KATNIP: variants seen among roughly 807,000 people sequenced by gnomAD.
The protein encoded by KATNIP is katanin-interacting protein.
In KATNIP, 126 loss-of-function variants were observed where a neutral mutation model predicts 174.0. The ratio of observed to expected loss-of-function variants is 0.72; its 90% confidence interval spans 0.63 to 0.84. The LOEUF is 0.84. Among genes scored for constraint, KATNIP ranks in the 40% least tolerant of loss-of-function variants. The probability of loss-of-function intolerance (pLI) is 0.00; values close to 1 mark genes in which losing one functional copy is unlikely to be tolerated. For synonymous variants in KATNIP, 810 were observed against 835.7 expected (o/e 0.97, Z 0.53); for missense variants, 1,958 against 2,109.7 (o/e 0.93, Z 1.41).
chr16:27,731,947 G>A (rs139192175), intron 14 of KATNIP, among the ~76,000 whole-genome samples: 163 of 152,236 alleles, frequency 1.1e-3, no homozygotes, highest in African/African-American at 3.7e-3. Context: ...TAGAGCGACC[G>A]TTGTCACTGG....
chr16:27,766,229 C>T, intron 19 of KATNIP, 80 bp from the exon 20 acceptor site: 2 of 1,497,712 alleles, frequency 1.3e-6, no homozygotes, highest in South Asian at 1.2e-5. Flanking sequence ...GTACTTGGGG[C>T]CGAGGGGGTG....
chr16:27,740,386 G>A lies in KATNIP; in HGVS notation c.2089G>A (p.Glu697Lys), dbSNP rs778711060. 1.9e-6 allele frequency: 3 copies of A among 1,614,048 alleles called. No homozygotes were observed. Among genetic ancestry groups the A allele is most frequent in the South Asian group, 1.1e-5 (1 of 91,086 alleles). ...GAAAGACAGTTTGTCCCAGTTAGAG[G>A]AATATTTGAGACTGTCGGCAGTCCC... is the stretch of plus-strand genomic sequence containing the variant. Reference protein sequence around the residue: ...CRKDSLSQLEEYLRLSAVPTS... With the variant: ...CRKDSLSQLEKYLRLSAVPTS... Residue 697 changes from glutamate to lysine, a missense_variant, in exon 15 of 28, where the codon GAA becomes AAA. This residue lies in a region of KATNIP where 1,557 missense variants were observed against 1,617.8 expected (regional missense o/e 0.96). Coordinates refer to ENST00000261588, the MANE Select transcript of KATNIP (RefSeq NM_015202.5).
intron 8 of KATNIP, among the ~76,000 whole-genome samples, chr16:27,691,344 G>A (rs776899257): frequency 2.6e-5 from 4 of 152,204 alleles, no homozygotes; most frequent in Non-Finnish European, 5.9e-5. Flanking sequence ...CAAAGTTATC[G>A]GAAGAGGGAT....
chr16:27,686,597 T>G (rs768709135), intron 8 of KATNIP, among the ~76,000 whole-genome samples: 2 of 152,240 alleles, frequency 1.3e-5, no homozygotes, highest in Non-Finnish European at 2.9e-5. Context: ...CTGATATATG[T>G]GAGTTTACAT....
chr16:27,572,623 C>T (rs2090350235), intron 1 of KATNIP, among the ~76,000 whole-genome samples: 1 of 152,064 alleles, frequency 6.6e-6, no homozygotes, highest in African/African-American at 2.4e-5. Flanking sequence ...GGTCAGAGGT[C>T]CATCCATAGC....
intron 2 of KATNIP, among the ~76,000 whole-genome samples, chr16:27,574,632 T>G (rs2090428738): frequency 7.2e-6 from 1 of 138,094 alleles, no homozygotes; most frequent in Non-Finnish European, 1.5e-5. Flanking sequence ...TGGCGTGATC[T>G]CAGCTCACTG....
rs762794323 is a variant in KATNIP at position 27,586,244 on chromosome 16, CATAAAT to C, written c.63+12292_63+12297del. On this transcript the variant is annotated intron_variant, in intron 2 of 27. Coordinates refer to ENST00000261588, the MANE Select transcript of KATNIP (RefSeq NM_015202.5). ...CTGTATAAAAACATCTCATGTAACT[CATAAAT>C]ATATACACCCATTATGTACCCACAA... Among the ~76,000 whole-genome samples, 24 of 152,058 alleles carry C rather than the reference CATAAAT, an allele frequency of 1.6e-4. 1 individual carries two copies. The highest frequency in any genetic ancestry group is 3.1e-4 in the Non-Finnish European group (21 of 68,006).
At chr16:27,732,865 G>A (rs899113155) in intron 14 of KATNIP, among the ~76,000 whole-genome samples, 3 of 152,182 alleles carry the variant, frequency 2.0e-5, no homozygotes, top group Admixed American at 6.5e-5. Flanking sequence ...AGCAACCCAC[G>A]CTTTTGCTCT....
intron 11 of KATNIP, among the ~76,000 whole-genome samples, chr16:27,703,036 G>A (rs769151646): frequency 5.9e-5 from 9 of 152,014 alleles, no homozygotes; most frequent in African/African-American, 9.7e-5. Context: ...GCATGGTGGC[G>A]AGCCCCTGTA....
At chr16:27,567,049 T>G (rs979389076) in intron 1 of KATNIP, among the ~76,000 whole-genome samples, 4 of 152,222 alleles carry the variant, frequency 2.6e-5, no homozygotes, top group Non-Finnish European at 5.9e-5. Context: ...CATCGTTTCA[T>G]TCTTATCTCT....
At chr16:27,583,784 G>A (rs1227321585) in intron 2 of KATNIP, among the ~76,000 whole-genome samples, 1 of 152,192 alleles carries the variant, frequency 6.6e-6, no homozygotes, top group Non-Finnish European at 1.5e-5. Context: ...AAGAGAATTT[G>A]TTGCCTCACC....
At chr16:27,765,737 C>G (rs796568316) in intron 19 of KATNIP, among the ~76,000 whole-genome samples, 10 of 152,334 alleles carry the variant, frequency 6.6e-5, no homozygotes, top group Admixed American at 3.9e-4. Context: ...CTTTTGCACA[C>G]TCTCTCCTGG....
Position 27,681,352 on chromosome 16 carries a change from A to G in KATNIP, c.809-47A>G, listed in dbSNP as rs374415991. ...AACAAATGCCTGAACAGAATGCCCA[A>G]CTTGCTTGCGCTCAGCGTCTTACAT... On this transcript the variant is annotated intron_variant, in intron 7 of 27. Coordinates refer to ENST00000261588, the MANE Select transcript of KATNIP (RefSeq NM_015202.5). 5 of 1,610,216 alleles carry G rather than the reference A, an allele frequency of 3.1e-6. No homozygotes were observed. In the African/African-American group the frequency reaches 5.3e-5, roughly 17 times the overall value.
Position 27,698,397 on chromosome 16 carries a change from AG to A in KATNIP, c.1012del (p.Glu338LysfsTer98), listed in dbSNP as rs1239038647. On this transcript the variant is annotated frameshift_variant, in exon 9 of 28. Coordinates refer to ENST00000261588, the MANE Select transcript of KATNIP (RefSeq NM_015202.5). LOFTEE classifies it high-confidence loss of function. ...ACTCTTTGCGAGGCTGAGTACCCAG[AG>A]GAAGATGCCTCTGCTGTGCTCCAAG... The part of the protein sequence containing the change: ...RKTLCEAEYP[E>X]EDASAVLQAI... The A allele has an allele frequency of 6.2e-7, 1 of 1,613,628 alleles. No homozygotes were observed. Among genetic ancestry groups the A allele is most frequent in the Non-Finnish European group, 8.5e-7 (1 of 1,179,862 alleles).
intron 1 of KATNIP, among the ~76,000 whole-genome samples, chr16:27,567,277 A>G (rs935465616): frequency 1.2e-4 from 19 of 152,218 alleles, no homozygotes; most frequent in Admixed American, 2.0e-4. Context: ...TGGACATTGC[A>G]TATTTTAAGT....
At position 27,740,586 on chromosome 16, in the gene KATNIP, C is replaced by T; in HGVS notation, c.2289C>T (p.Asp763=). 2 of 1,614,190 alleles carry T rather than the reference C, an allele frequency of 1.2e-6. No homozygotes were observed. Among genetic ancestry groups the T allele is most frequent in the Non-Finnish European group, 1.7e-6 (2 of 1,180,044 alleles). Residue 763 remains aspartate, a synonymous_variant, in exon 15 of 28, where the codon GAC becomes GAT. Coordinates refer to ENST00000261588, the MANE Select transcript of KATNIP (RefSeq NM_015202.5). ...SWLQPSPTGK[D]RKQGGRKPKP... The stretch of plus-strand genomic sequence containing the variant: ...TACAACCTTCTCCCACCGGCAAGGA[C>T]AGGAAGCAGGGAGGCAGGAAGCCAA...
intron 1 of KATNIP, among the ~76,000 whole-genome samples, chr16:27,555,555 C>T (rs2089585187): frequency 6.6e-6 from 1 of 152,196 alleles, no homozygotes; most frequent in Admixed American, 6.5e-5. Context: ...ATGTTCCTGG[C>T]TGGGCGCGGT....
At chr16:27,760,512 A>G (rs879658727) in intron 18 of KATNIP, among the ~76,000 whole-genome samples, 1 of 152,216 alleles carries the variant, frequency 6.6e-6, no homozygotes, top group Non-Finnish European at 1.5e-5. Context: ...GGATGGCGGT[A>G]TCACCCTAGG....
rs748545073 is a variant in KATNIP, at chr16:27,751,943, G to A, written c.3552+19G>A. 3.2e-6 allele frequency: 5 copies of A among 1,581,088 alleles called. No individual in the cohort carries two copies. The highest frequency in any genetic ancestry group is 4.3e-6 in the Non-Finnish European group (5 of 1,166,288). On this transcript the variant is annotated intron_variant, in intron 17 of 27. Transcript: ENST00000261588. ...TGAACGGGTAGGACTGGAGCTGGGG[G>A]GCTGTGGGGGGACCCCCAGATAGGT...
Sources: allele counts gnomAD v4.1 joint callset (sites outside exome capture counted in the v4.1 genomes callset), GRCh38; gene constraint gnomAD v4.1.1; regional missense constraint gnomAD v4.1.1; transcripts MANE v1.5; gene names NCBI Gene and HGNC (gene_info 2026-07-23, HGNC 2026-07-21).